The following NBEA variants were observed in gnomAD, a reference collection of about 807,000 sequenced individuals.
NBEA encodes the protein neurobeachin, also known as lysosomal-trafficking regulator 2.
NBEA carries 44 observed loss-of-function variants against 343.4 expected under a neutral mutation model. The ratio of observed to expected loss-of-function variants is 0.13; its 90% CI spans 0.10 to 0.16. The LOEUF is 0.16. Ranked by LOEUF, NBEA falls within the 10% of genes least tolerant of loss-of-function variation. The pLI, the probability that NBEA is intolerant of heterozygous loss-of-function variation, is 1.00. For missense variants in NBEA, 2,555 were observed against 3,631.3 expected, an observed-to-expected ratio of 0.70 and a Z score of 7.62; for synonymous variants, 1,175 against 1,238.7, an observed-to-expected ratio of 0.95 and a Z score of 1.08.
At position 35,197,399 on chromosome 13, in the gene NBEA, AAAT is replaced by A. The variant is rs2152742844; in HGVS notation, c.5366+1102_5366+1104del. ...GGAAATGTCAAAGTATATAGTCAAAAAATAATATCTATTCCATATTGCTTTCTC... is the reference window on the plus strand; with the variant it reads ...GGAAATGTCAAAGTATATAGTCAAAAAATATCTATTCCATATTGCTTTCTC... On this transcript the variant is annotated intron_variant, in intron 31 of 58. Transcript: ENST00000379939. Among the ~76,000 whole-genome samples the A allele has an allele frequency of 2.0e-5, 3 of 152,308 alleles. No individual in the cohort carries two copies. The East Asian group carries it at 5.8e-4, about 29-fold the overall frequency.
chr13:35,062,917 A>C (rs2063516871), intron 8 of NBEA, among the ~76,000 whole-genome samples: 1 of 151,974 alleles, frequency 6.6e-6, no homozygotes. Context: ...GTAGTTGAAA[A>C]GTTGCTGTAT....
At chr13:35,223,125 C>CT (rs2074464073) in intron 33 of NBEA, among the ~76,000 whole-genome samples, 1 of 152,122 alleles carries the variant, frequency 6.6e-6, no homozygotes, top group Non-Finnish European at 1.5e-5. Context: ...GAGTGCGACT[C>CT]TGTCTTGAAA....
At chr13:35,607,182 T>C (rs1189389915) in intron 48 of NBEA, among the ~76,000 whole-genome samples, 1 of 152,128 alleles carries the variant, frequency 6.6e-6, no homozygotes, top group Non-Finnish European at 1.5e-5. Context: ...CTTGAGTAGC[T>C]GGGGTTATAG....
chr13:35,083,078 CT>C (rs2152608783), intron 10 of NBEA, among the ~76,000 whole-genome samples: 1 of 152,230 alleles, frequency 6.6e-6, no homozygotes, highest in South Asian at 2.1e-4. Context: ...TTTAATCCAT[CT>C]TGAATTAATT....
intron 38 of NBEA, among the ~76,000 whole-genome samples, chr13:35,398,282 C>T (rs2042837494): frequency 6.6e-6 from 1 of 152,098 alleles, no homozygotes; most frequent in Non-Finnish European, 1.5e-5. Context: ...TCCTGAAAGT[C>T]ATCCATGAAG....
intron 52 of NBEA, among the ~76,000 whole-genome samples, chr13:35,650,157 C>G (rs1305216144): frequency 2.6e-5 from 4 of 152,168 alleles, no homozygotes; most frequent in Non-Finnish European, 5.9e-5. Flanking sequence ...CAAAAAAATA[C>G]ACCCTTCTTT....
At chr13:35,405,919 T>C (rs1179231017) in intron 38 of NBEA, among the ~76,000 whole-genome samples, 1 of 152,148 alleles carries the variant, frequency 6.6e-6, no homozygotes, top group Non-Finnish European at 1.5e-5. Flanking sequence ...AAAGTAATTA[T>C]CTTGGCCCTA....
At chr13:35,205,688 G>A (rs1305369976) in intron 31 of NBEA, among the ~76,000 whole-genome samples, 1 of 151,934 alleles carries the variant, frequency 6.6e-6, no homozygotes, top group East Asian at 1.9e-4. Flanking sequence ...GGGTATTTTT[G>A]CTGATATAGA....
chr13:35,118,119 C>T (rs1380295026), intron 14 of NBEA, 109 bp from the exon 15 acceptor site: 5 of 623,030 alleles, frequency 8.0e-6, no homozygotes, highest in East Asian at 3.1e-5. Context: ...TAAAATATCA[C>T]TACATTAAAC....
At chr13:35,475,980 G>A in intron 41 of NBEA, 1 of 1,614,182 alleles carries the variant, frequency 6.2e-7, no homozygotes, top group Non-Finnish European at 8.5e-7. Flanking sequence ...TGAGAGAGCT[G>A]ATGAACCGCG....
At chr13:35,333,661 C>G (rs866379167) in intron 36 of NBEA, among the ~76,000 whole-genome samples, 2 of 151,810 alleles carry the variant, frequency 1.3e-5, no homozygotes, top group African/African-American at 4.8e-5. Context: ...TTTTTTTGTA[C>G]CATTAACCAC....
At chr13:34,965,091 C>G (rs953459368) in intron 1 of NBEA, among the ~76,000 whole-genome samples, 2 of 151,606 alleles carry the variant, frequency 1.3e-5, no homozygotes, top group Non-Finnish European at 2.9e-5. Flanking sequence ...GGTTTTAAAC[C>G]CTGACAGAAC....
chr13:35,337,347 C>T (rs1460793574), intron 36 of NBEA, among the ~76,000 whole-genome samples: 7 of 151,944 alleles, frequency 4.6e-5, no homozygotes, highest in African/African-American at 7.2e-5. Context: ...CTCAAAAGAA[C>T]GGATGACTAT....
At chr13:35,547,756 G>A (rs1306774640) in intron 41 of NBEA, among the ~76,000 whole-genome samples, 1 of 152,062 alleles carries the variant, frequency 6.6e-6, no homozygotes, top group Admixed American at 6.6e-5. Flanking sequence ...GATGGTAATG[G>A]CACGCATCTG....
intron 55 of NBEA, among the ~76,000 whole-genome samples, chr13:35,659,803 T>A (rs1437442786): frequency 6.6e-6 from 1 of 152,166 alleles, no homozygotes; most frequent in African/African-American, 2.4e-5. Flanking sequence ...TTTAAATAGG[T>A]CCCTAACTAG....
intron 45 of NBEA, among the ~76,000 whole-genome samples, chr13:35,575,747 T>C (rs1466522315): frequency 6.6e-6 from 1 of 152,078 alleles, no homozygotes; most frequent in Non-Finnish European, 1.5e-5. Flanking sequence ...ATAATCAAGG[T>C]TTTCTAATTA....
At chr13:35,404,911 A>T (rs1284538956) in intron 38 of NBEA, among the ~76,000 whole-genome samples, 1 of 152,126 alleles carries the variant, frequency 6.6e-6, no homozygotes, top group Non-Finnish European at 1.5e-5. Flanking sequence ...AAGCATTAAA[A>T]TTTTAATGAG....
rs766239588 is a variant in NBEA, at chr13:35,290,444, T to C, written c.5832T>C (p.Cys1944=). ...TSVVELVMLL[C]SQEWQNSIQK... The stretch of plus-strand genomic sequence containing the variant: ...TGGTTGAGCTTGTTATGCTGCTTTG[T>C]TCTCAGGTACAAAATCCCATTCACT... The change falls in exon 35 of 59, where the codon TGT becomes TGC. Residue 1944 remains cysteine (C), a synonymous_variant. Transcript: ENST00000379939. The C allele has an allele frequency of 6.2e-7, 1 of 1,605,406 alleles. No homozygotes were observed. Among genetic ancestry groups the C allele is most frequent in the South Asian group, 1.1e-5 (1 of 90,520 alleles).
chr13:35,275,044 G>A (rs1419409509), intron 34 of NBEA, among the ~76,000 whole-genome samples: 1 of 152,146 alleles, frequency 6.6e-6, no homozygotes, highest in African/African-American at 2.4e-5. Flanking sequence ...ATCCTGCATA[G>A]CCAAGACAAT....
Sources: gnomAD v4.1 joint callset for allele counts (sites outside exome capture counted in the v4.1 genomes callset) on GRCh38, gnomAD v4.1.1 for gene constraint, MANE v1.5 for transcripts, NCBI Gene and HGNC (gene_info 2026-07-23, HGNC 2026-07-21) for gene names.